SLC38A11: variants seen among roughly 807,000 people sequenced by gnomAD.
SLC38A11 encodes putative sodium-coupled neutral amino acid transporter 11.
SLC38A11 carries 51 observed loss-of-function variants against 49.4 expected under a neutral mutation model. That is an observed-to-expected ratio of 1.03 (90% CI 0.83 to 1.30). The LOEUF (loss-of-function observed/expected upper bound fraction) is 1.30. Among genes scored for constraint, SLC38A11 ranks in the 50% most tolerant of loss-of-function variants. SLC38A11 has a pLI of 0.00. For synonymous variants in SLC38A11, 203 were observed against 192.9 expected, an observed-to-expected ratio of 1.05 and a Z score of -0.43; for missense variants, 574 against 556.2, an observed-to-expected ratio of 1.03 and a Z score of -0.32.
At chr2:164,928,681 T>C (rs2105482491) in intron 7 of SLC38A11, among the ~76,000 whole-genome samples, 1 of 150,924 alleles carries the variant, frequency 6.6e-6, no homozygotes, top group East Asian at 2.0e-4. Context: ...CTTCCTATGG[T>C]GAGACCAATA....
At chr2:164,935,870 G>A (rs1687336493) in intron 7 of SLC38A11, among the ~76,000 whole-genome samples, 2 of 151,970 alleles carry the variant, frequency 1.3e-5, no homozygotes, top group Admixed American at 1.3e-4. Context: ...CCTCACTCTG[G>A]GACTGGAGCC....
chr2:164,915,189 A>G lies in SLC38A11; in HGVS notation c.773T>C (p.Met258Thr). Residue 258 changes from methionine to threonine, a missense_variant, in exon 9 of 12, where the codon ATG becomes ACG. Met to Thr is a moderately conservative substitution (Grantham distance 81). Transcript: ENST00000685975. ...TVAKWSRLIH[M>T]SIVISVFICI... The stretch of plus-strand genomic sequence containing the variant: ...GATAAATACAGAAATCACGATGGAC[A>G]TATGGATAAGGCGGGACCACTTAGC... The G allele has an allele frequency of 3.7e-6, 6 of 1,612,800 alleles. No individual in the cohort carries two copies. The South Asian group carries it at 6.6e-5, about 18-fold the overall frequency.
intron 7 of SLC38A11, among the ~76,000 whole-genome samples, chr2:164,916,849 CT>C (rs1285052739): frequency 1.3e-5 from 2 of 152,094 alleles, no homozygotes; most frequent in African/African-American, 2.4e-5. Flanking sequence ...GGTCAGTTAG[CT>C]TAAATTGTTC....
intron 7 of SLC38A11, among the ~76,000 whole-genome samples, chr2:164,924,353 A>G (rs1007260824): frequency 6.6e-6 from 1 of 152,144 alleles, no homozygotes; most frequent in African/African-American, 2.4e-5. Context: ...GAGGGGGCAA[A>G]GGTTGAAAAA....
intron 7 of SLC38A11, among the ~76,000 whole-genome samples, chr2:164,926,802 G>C: frequency 6.9e-6 from 1 of 145,412 alleles, no homozygotes; most frequent in Middle Eastern, 3.3e-3. Flanking sequence ...TCATAGGTGG[G>C]AATTGAACAA....
intron 7 of SLC38A11, among the ~76,000 whole-genome samples, chr2:164,925,061 T>A (rs1686473888): frequency 1.3e-5 from 2 of 152,348 alleles, no homozygotes; most frequent in Admixed American, 1.3e-4. Context: ...TATAAATTTT[T>A]AAAATATGAA....
At chr2:164,914,420 G>T (rs78721168) in intron 9 of SLC38A11, among the ~76,000 whole-genome samples, 12,752 of 152,018 alleles carry the variant, frequency 0.084, 715 homozygotes, top group Admixed American at 0.2. Flanking sequence ...GGAAGAAAAG[G>T]TCTGGTTTTA....
intron 11 of SLC38A11, among the ~76,000 whole-genome samples, chr2:164,907,213 A>G (rs1420702883): frequency 2.7e-5 from 4 of 150,766 alleles, no homozygotes; most frequent in East Asian, 2.0e-4. Context: ...AATTATGCCA[A>G]TCTTTTCTGA....
chr2:164,915,407 A>G, intron 8 of SLC38A11, 134 bp from the exon 9 acceptor site: 1 of 747,914 alleles, frequency 1.3e-6, no homozygotes, highest in Non-Finnish European at 2.1e-6. Flanking sequence ...TTAATATGTC[A>G]GAAAATAATT....
At chr2:164,907,990 C>A (rs1685133513) in intron 11 of SLC38A11, 1 of 152,102 alleles carries the variant, frequency 6.6e-6, no homozygotes, top group African/African-American at 2.4e-5. Flanking sequence ...GAAAGCAGAA[C>A]TTAAATACAT....
chr2:164,955,295 G>A lies in SLC38A11; in HGVS notation c.-48C>T, dbSNP rs1688775427. 2.0e-6 allele frequency: 3 copies of A among 1,532,614 alleles called. No individual in the cohort carries two copies. Among genetic ancestry groups the A allele is most frequent in the Middle Eastern group, 1.7e-4 (1 of 5,926 alleles). 94.9% of individuals were successfully genotyped at this position (1,532,614 alleles called of 1,614,324 possible). On this transcript the variant is annotated 5_prime_UTR_variant, in exon 1 of 12. Transcript: ENST00000685975. ...GGTGGAAGATGCTGGGGCTGGGTAC[G>A]GATTCGCACCCGGCCAGCCTCCTCC...
At chr2:164,902,500 A>G (rs1167689985) in intron 11 of SLC38A11, among the ~76,000 whole-genome samples, 2 of 152,204 alleles carry the variant, frequency 1.3e-5, no homozygotes, top group Non-Finnish European at 2.9e-5. Flanking sequence ...ATTTGCAAGC[A>G]TACACAAAAG....
rs761855565 is a variant in SLC38A11 at position 164,945,758 on chromosome 2, T to C, written c.230-31A>G. On this transcript the variant is annotated intron_variant, in intron 3 of 11. Coordinates refer to ENST00000685975, the MANE Select transcript of SLC38A11 (RefSeq NM_001351537.2). ...GCAAGAACATCAATTAAATGTCAGA[T>C]TACATGTAATACAAATATTTTTCAT... The C allele has an allele frequency of 1.3e-5, 21 of 1,586,044 alleles. No individual in the cohort carries two copies. The Admixed American group carries it at 4.0e-4, about 30-fold the overall frequency.
At chr2:164,950,005 G>C (rs1177767801) in intron 3 of SLC38A11, 1 of 152,234 alleles carries the variant, frequency 6.6e-6, no homozygotes, top group Non-Finnish European at 1.5e-5. Flanking sequence ...ACTTGCAGCA[G>C]CATGGAGGAC....
At chr2:164,933,540 A>C (rs989753033) in intron 7 of SLC38A11, among the ~76,000 whole-genome samples, 1 of 152,068 alleles carries the variant, frequency 6.6e-6, no homozygotes, top group Non-Finnish European at 1.5e-5. Context: ...TAACCACTAA[A>C]ATGATGTTTC....
chr2:164,953,479 G>A (rs1339288821), intron 2 of SLC38A11, among the ~76,000 whole-genome samples: 2 of 152,078 alleles, frequency 1.3e-5, no homozygotes, highest in East Asian at 3.9e-4. Flanking sequence ...TTGCTGACAC[G>A]GCTTAACTTA....
Position 164,955,255 on chromosome 2 carries a change from C to A in SLC38A11, c.-8G>T. ...CTGCCTCTGGTAGCCCATGGCTGAGCGGTGGTCCTCAGCAGGTGGAAGATG... is the reference window on the plus strand; with the variant it reads ...CTGCCTCTGGTAGCCCATGGCTGAGAGGTGGTCCTCAGCAGGTGGAAGATG... On this transcript the variant is annotated 5_prime_UTR_variant, in exon 1 of 12. Coordinates refer to ENST00000685975, the MANE Select transcript of SLC38A11 (RefSeq NM_001351537.2). 1 of 1,550,350 alleles carries A rather than the reference C, an allele frequency of 6.5e-7. No homozygotes were observed. The highest frequency in any genetic ancestry group is 1.7e-4 in the Middle Eastern group (1 of 5,992).
intron 2 of SLC38A11, 46 bp from the exon 3 acceptor site, chr2:164,952,827 T>A (rs956871335): frequency 2.8e-5 from 39 of 1,416,792 alleles, no homozygotes; most frequent in Non-Finnish European, 3.8e-5. Context: ...ACAAGAAAGC[T>A]AGAAACACAG....
chr2:164,922,290 T>C (rs1686256892), intron 7 of SLC38A11: 1 of 152,190 alleles, frequency 6.6e-6, no homozygotes, highest in African/African-American at 2.4e-5. Context: ...ATTTTTGTTG[T>C]AAGAGCCTCA....
Sources: gnomAD v4.1 joint callset for allele counts (sites outside exome capture counted in the v4.1 genomes callset) on GRCh38, gnomAD v4.1.1 for gene constraint, MANE v1.5 for transcripts, NCBI Gene and HGNC (gene_info 2026-07-23, HGNC 2026-07-21) for gene names.